The following STAT5B variants were observed in gnomAD, a reference collection of about 807,000 sequenced individuals.
STAT5B encodes the protein signal transducer and activator of transcription 5B, also known as transcription factor STAT5B.
In STAT5B, 21 loss-of-function variants were observed where a neutral mutation model predicts 107.8. The ratio of observed to expected loss-of-function variants is 0.19; its 90% CI spans 0.14 to 0.28. STAT5B has a LOEUF of 0.28. STAT5B is among the 10% of genes least tolerant of loss of function. The pLI, the probability that STAT5B is intolerant of heterozygous loss-of-function variation, is 1.00. For missense variants in STAT5B, 565 were observed against 1,008.2 expected, an observed-to-expected ratio of 0.56 and a Z score of 5.95; for synonymous variants, 325 against 401.7, an observed-to-expected ratio of 0.81 and a Z score of 2.28.
chr17:42,240,807 C>T (rs2080395644), intron 1 of STAT5B, among the ~76,000 whole-genome samples: 1 of 152,106 alleles, frequency 6.6e-6, no homozygotes. Context: ...TTTCTATGTA[C>T]TTTTCTGCCT....
chr17:42,214,151 TAAA>T, intron 12 of STAT5B: 1 of 705,264 alleles, frequency 1.4e-6, no homozygotes, highest in Non-Finnish European at 1.7e-6. Flanking sequence ...TCAAAAAAAT[TAAA>T]AAAAAAAAAA....
upstream of STAT5B, among the ~76,000 whole-genome samples, chr17:42,279,278 C>T (rs57337451): frequency 0.047 from 7,130 of 152,144 alleles, 519 homozygotes; most frequent in African/African-American, 0.16. Flanking sequence ...TCTATCTTCT[C>T]GTTTGTAATG....
intron 1 of STAT5B, among the ~76,000 whole-genome samples, chr17:42,266,135 G>C (rs1598341125): frequency 6.6e-6 from 1 of 151,910 alleles, no homozygotes; most frequent in African/African-American, 2.4e-5. Flanking sequence ...TCTTTTATTA[G>C]TTATTAAAGC....
At chr17:42,262,414 T>G (rs1255012296) in intron 1 of STAT5B, among the ~76,000 whole-genome samples, 1 of 152,186 alleles carries the variant, frequency 6.6e-6, no homozygotes, top group East Asian at 1.9e-4. Flanking sequence ...ACAAAGAAAC[T>G]ATTTAATGTA....
At chr17:42,233,586 G>T (rs1199481183) in intron 1 of STAT5B, among the ~76,000 whole-genome samples, 1 of 151,920 alleles carries the variant, frequency 6.6e-6, no homozygotes, top group African/African-American at 2.4e-5. Context: ...CGCCTCCCGG[G>T]TTCACGCCAT....
intron 2 of STAT5B, among the ~76,000 whole-genome samples, chr17:42,231,285 T>C (rs1184088971): frequency 6.6e-6 from 1 of 152,070 alleles, no homozygotes; most frequent in East Asian, 1.9e-4. Context: ...GGATTATAGG[T>C]GTGCACCACC....
intron 1 of STAT5B, among the ~76,000 whole-genome samples, chr17:42,244,532 G>A (rs72820892): frequency 0.37 from 56,456 of 151,916 alleles, 12,075 homozygotes; most frequent in African/African-American, 0.59. Flanking sequence ...TTTCTATACT[G>A]CTTAAATGAA....
rs2080764457 is a variant in STAT5B, at chr17:42,276,234, C to T, written c.-11+14G>A. The stretch of plus-strand genomic sequence containing the variant: ...CCCCGGCCCCGGGCCCAGGGCTCGC[C>T]CCGCAGCTCCTACCTCGCTCGGCCC... On this transcript the variant is annotated intron_variant, in intron 1 of 18. Transcript: ENST00000293328. This position sits in a 1 kb window ranked among gnomAD's most constrained non-coding sequence, Gnocchi z 4.8. The T allele has an allele frequency of 2.0e-5, 3 of 147,434 alleles. No homozygotes were observed. The South Asian group carries it at 6.2e-4, about 31-fold the overall frequency. 9.1% of individuals were successfully genotyped at this position (147,434 alleles called of 1,614,324 possible). A position where few individuals can be genotyped will look rare whatever the true frequency, so the allele number is the denominator to read the frequency against.
intron 1 of STAT5B, among the ~76,000 whole-genome samples, chr17:42,269,272 C>T (rs1319484248): frequency 1.3e-5 from 2 of 152,106 alleles, no homozygotes; most frequent in Non-Finnish European, 2.9e-5. Flanking sequence ...CAGGGTTTCA[C>T]CATGTTGGCC....
At position 42,210,514 on chromosome 17, in the gene STAT5B, C is replaced by G; in HGVS notation, c.1681-17G>C. The G allele has an allele frequency of 1.2e-6, 2 of 1,604,656 alleles. No individual in the cohort carries two copies. The highest frequency in any genetic ancestry group is 1.7e-6 in the Non-Finnish European group (2 of 1,171,550). ...TAAATTCTCCTGGTTGGAGATACAA[C>G]AGTGAACATAAGAACACCAGAGTAA... On this transcript the variant is annotated splice_polypyrimidine_tract_variant and intron_variant, in intron 13 of 18. Coordinates refer to ENST00000293328, the MANE Select transcript of STAT5B (RefSeq NM_012448.4).
intron 18 of STAT5B, 77 bp downstream of exon 18, chr17:42,202,263 C>A: frequency 6.4e-7 from 1 of 1,560,092 alleles, no homozygotes; most frequent in Non-Finnish European, 8.8e-7. Flanking sequence ...TTCCTTTGAC[C>A]CCAGCCCTCC....
intron 1 of STAT5B, among the ~76,000 whole-genome samples, chr17:42,256,343 A>T (rs1011916026): frequency 1.3e-5 from 2 of 152,006 alleles, no homozygotes; most frequent in Non-Finnish European, 2.9e-5. Flanking sequence ...AGCCTCCCAT[A>T]GTACTGGGAT....
Position 42,216,003 on chromosome 17 carries a change from A to G in STAT5B, c.1473+11T>C. 6.2e-7 allele frequency: 1 copy of G among 1,613,742 alleles called. No individual in the cohort carries two copies. Among genetic ancestry groups the G allele is most frequent in the Non-Finnish European group, 8.5e-7 (1 of 1,179,788 alleles). ...GATTTTGGGACCCACATGCCCGAGG[A>G]ATACACTCACAGGCTCTGCAAAAGC... On this transcript the variant is annotated intron_variant, in intron 12 of 18. Coordinates refer to ENST00000293328, the MANE Select transcript of STAT5B (RefSeq NM_012448.4).
At position 42,259,283 on chromosome 17, in the gene STAT5B, T is replaced by C. The variant is rs1332242567; in HGVS notation, c.-11+16965A>G. ...TCCCAAAGTGTTGGGATTACAGGCG[T>C]GAGCCACTGCACCTGGCCAGAGAGG... On this transcript the variant is annotated intron_variant, in intron 1 of 18. Coordinates refer to ENST00000293328, the MANE Select transcript of STAT5B (RefSeq NM_012448.4). Among the ~76,000 whole-genome samples the C allele has an allele frequency of 2.6e-5, 4 of 152,162 alleles. No homozygotes were observed. In the East Asian group the frequency reaches 7.8e-4, roughly 30 times the overall value.
rs969682033 is a variant in STAT5B, at chr17:42,214,302, G to T, written c.1473+1712C>A. On this transcript the variant is annotated intron_variant, in intron 12 of 18. Transcript: ENST00000293328. ...AGAGTGAGATCTGTGGACAGGCAGG[G>T]AAGGAAACAAGAGATGTGGCAATCT... The T allele has an allele frequency of 7.1e-6, 7 of 985,228 alleles. No individual in the cohort carries two copies. In the Admixed American group the frequency reaches 3.7e-4, roughly 52 times the overall value. 61.0% of individuals were successfully genotyped at this position (985,228 alleles called of 1,614,324 possible). A position where few individuals can be genotyped will look rare whatever the true frequency, so the allele number is the denominator to read the frequency against.
At chr17:42,259,909 T>G (rs779788354) in intron 1 of STAT5B, among the ~76,000 whole-genome samples, 4 of 152,216 alleles carry the variant, frequency 2.6e-5, no homozygotes, top group Non-Finnish European at 5.9e-5. Flanking sequence ...ATGTGCAGAT[T>G]TGTTACACAG....
rs539889607 is a variant in STAT5B at position 42,276,299 on chromosome 17, TGCCC to T, written c.-66_-63del. The T allele has an allele frequency of 1.4e-5, 2 of 147,166 alleles. No homozygotes were observed. The highest frequency in any genetic ancestry group is 3.0e-5 in the Non-Finnish European group (2 of 66,174). The allele number at this position is 147,166 out of a possible 1,614,324, so 9.1% of individuals were successfully genotyped here. On this transcript the variant is annotated 5_prime_UTR_variant, in exon 1 of 19. Coordinates refer to ENST00000293328, the MANE Select transcript of STAT5B (RefSeq NM_012448.4). This position sits in a 1 kb window ranked among gnomAD's most constrained non-coding sequence, Gnocchi z 4.8. ...GCTGCTCCGGCCCAGCTGTCTGGCT[TGCCC>T]GCCCGCCCGCTCGCTCCCTCCCTCG... is the stretch of plus-strand genomic sequence containing the variant.
At chr17:42,233,043 T>C (rs908563281) in intron 1 of STAT5B, among the ~76,000 whole-genome samples, 1 of 152,016 alleles carries the variant, frequency 6.6e-6, no homozygotes, top group African/African-American at 2.4e-5. Context: ...GGTTTCACCA[T>C]GTTGGCCAGG....
chr17:42,216,730 AC>A (rs2080175213), intron 11 of STAT5B, among the ~76,000 whole-genome samples: 1 of 144,752 alleles, frequency 6.9e-6, no homozygotes, highest in Non-Finnish European at 1.5e-5. Flanking sequence ...TCACTCTTTC[AC>A]CCAGGCTGGA....
Sources: gnomAD v4.1 joint callset for allele counts (sites outside exome capture counted in the v4.1 genomes callset) on GRCh38, gnomAD v4.1.1 for gene constraint, Gnocchi (gnomAD v3.1) non-coding constraint, MANE v1.5 for transcripts, NCBI Gene and HGNC (gene_info 2026-07-23, HGNC 2026-07-21) for gene names.